Variants in AUTS2 observed in about 807,000 individuals in gnomAD.
The protein encoded by AUTS2 is autism susceptibility gene 2 protein.
Under a neutral mutation model 112.4 loss-of-function variants are expected in AUTS2, and 17 were observed. The observed-to-expected ratio is 0.15, with a 90% confidence interval of 0.10 to 0.23. The LOEUF (loss-of-function observed/expected upper bound fraction) is 0.23. AUTS2 is among the 10% of genes least tolerant of loss of function. The probability of loss-of-function intolerance (pLI) is 1.00; values close to 1 mark genes in which losing one functional copy is unlikely to be tolerated. For synonymous variants in AUTS2, 751 were observed against 702.7 expected, an observed-to-expected ratio of 1.07 and a Z score of -1.09; for missense variants, 1,510 against 1,701.6, an observed-to-expected ratio of 0.89 and a Z score of 1.98.
intron 5 of AUTS2, among the ~76,000 whole-genome samples, chr7:70,661,950 G>T (rs1807099551): frequency 6.6e-6 from 1 of 152,122 alleles, no homozygotes; most frequent in African/African-American, 2.4e-5. Flanking sequence ...TCTCTGCCCA[G>T]TAACGCCTTC....
intron 4 of AUTS2, among the ~76,000 whole-genome samples, chr7:70,360,309 T>C (rs1792202014): frequency 6.6e-6 from 1 of 151,980 alleles, no homozygotes; most frequent in Non-Finnish European, 1.5e-5. Context: ...ACTTTTTTTC[T>C]AGGGATGGGA....
At chr7:70,005,995 C>T (rs1310884836) in intron 2 of AUTS2, among the ~76,000 whole-genome samples, 2 of 152,092 alleles carry the variant, frequency 1.3e-5, no homozygotes, top group Non-Finnish European at 2.9e-5. Flanking sequence ...ACTTCATGAA[C>T]CTAACATTTA....
chr7:70,096,322 C>T (rs1804196113), intron 2 of AUTS2, among the ~76,000 whole-genome samples: 3 of 152,116 alleles, frequency 2.0e-5, no homozygotes, highest in African/African-American at 4.8e-5. Context: ...AAAAGCCGGT[C>T]GCAGTGGCTC....
intron 5 of AUTS2, among the ~76,000 whole-genome samples, chr7:70,496,479 AC>A (rs1798515394): frequency 8.3e-6 from 1 of 121,082 alleles, no homozygotes; most frequent in Non-Finnish European, 1.7e-5. Flanking sequence ...ACACACACAC[AC>A]CCCACACACA....
At chr7:70,643,940 A>G (rs1178079118) in intron 5 of AUTS2, among the ~76,000 whole-genome samples, 3 of 152,040 alleles carry the variant, frequency 2.0e-5, no homozygotes, top group African/African-American at 4.8e-5. Flanking sequence ...AGCCTCTGCT[A>G]TGACGTCCTG....
intron 4 of AUTS2, among the ~76,000 whole-genome samples, chr7:70,312,070 G>T (rs1246998011): frequency 6.6e-6 from 1 of 151,960 alleles, no homozygotes; most frequent in African/African-American, 2.4e-5. Flanking sequence ...CATTGGCTAG[G>T]CTGGTCTTGA....
At chr7:69,614,345 T>TTTCTTTCTTTCG (rs1491023876) in intron 1 of AUTS2, among the ~76,000 whole-genome samples, 1 of 75,758 alleles carries the variant, frequency 1.3e-5, no homozygotes, top group African/African-American at 4.5e-5. Context: ...TCTTTCTTTC[T>TTTCTTTCTTTCG]TTCTTTCTTT....
chr7:70,777,556 C>A (rs1198045993), intron 14 of AUTS2, among the ~76,000 whole-genome samples: 1 of 152,160 alleles, frequency 6.6e-6, no homozygotes, highest in African/African-American at 2.4e-5. Context: ...CCAGGCTGGT[C>A]TCAGACTCCT....
At chr7:70,089,265 T>C (rs1343399090) in intron 2 of AUTS2, among the ~76,000 whole-genome samples, 1 of 152,224 alleles carries the variant, frequency 6.6e-6, no homozygotes, top group Non-Finnish European at 1.5e-5. Context: ...ATAGATTTTT[T>C]TTATTTCTCC....
At chr7:70,040,790 CCA>C (rs1801212718) in intron 2 of AUTS2, among the ~76,000 whole-genome samples, 1 of 152,150 alleles carries the variant, frequency 6.6e-6, no homozygotes, top group African/African-American at 2.4e-5. Flanking sequence ...GGTCCTGAAG[CCA>C]CTGCAGGTTA....
At chr7:70,667,215 TA>T (rs1464427265) in intron 5 of AUTS2, among the ~76,000 whole-genome samples, 1 of 152,198 alleles carries the variant, frequency 6.6e-6, no homozygotes, top group African/African-American at 2.4e-5. Context: ...GCTTCGTAAT[TA>T]GCATTTAAAA....
At chr7:70,488,290 T>C (rs1053897411) in intron 5 of AUTS2, among the ~76,000 whole-genome samples, 4 of 152,136 alleles carry the variant, frequency 2.6e-5, no homozygotes, top group African/African-American at 9.7e-5. Context: ...TCCTTCTGTT[T>C]GTCATTTGGC....
At position 70,701,653 on chromosome 7, in the gene AUTS2, C is replaced by T. The variant is rs1809468294; in HGVS notation, c.742+3033C>T. On this transcript the variant is annotated intron_variant, in intron 6 of 18. Coordinates refer to ENST00000342771, the MANE Select transcript of AUTS2 (RefSeq NM_015570.4). ...AAACAAGTTAATCAAACAGCACATGCTTGCATGTACACACAACATGCCTAA... is the reference window on the plus strand; with the variant it reads ...AAACAAGTTAATCAAACAGCACATGTTTGCATGTACACACAACATGCCTAA... Among the ~76,000 whole-genome samples, 6 of 152,186 alleles carry T rather than the reference C, an allele frequency of 3.9e-5. No individual in the cohort carries two copies. The South Asian group carries it at 1.2e-3, about 31-fold the overall frequency.
chr7:70,363,465 GAAAAA>G (rs369462886), intron 4 of AUTS2, among the ~76,000 whole-genome samples: 8 of 110,772 alleles, frequency 7.2e-5, no homozygotes, highest in Middle Eastern at 5.2e-3. Flanking sequence ...ATAAAAAAAA[GAAAAA>G]AAAAAAAAAA....
chr7:70,420,894 T>C (rs1390941841), intron 4 of AUTS2, among the ~76,000 whole-genome samples: 1 of 152,180 alleles, frequency 6.6e-6, no homozygotes, highest in Non-Finnish European at 1.5e-5. Context: ...AAATTGTGCA[T>C]TTCAAATACG....
chr7:70,623,605 T>C (rs117940751), intron 5 of AUTS2, among the ~76,000 whole-genome samples: 4,530 of 152,320 alleles, frequency 0.03, 103 homozygotes, highest in Middle Eastern at 0.065. Flanking sequence ...TCATAGAAAG[T>C]TCTGGACAGT....
intron 2 of AUTS2, among the ~76,000 whole-genome samples, chr7:70,041,013 T>A (rs1801223412): frequency 6.6e-6 from 1 of 152,174 alleles, no homozygotes; most frequent in Non-Finnish European, 1.5e-5. Context: ...AAGAAAGTGA[T>A]CCATGTGTAA....
chr7:70,781,365 A>C (rs934061629), intron 14 of AUTS2: 12 of 94,492 alleles, frequency 1.3e-4, no homozygotes, highest in African/African-American at 3.0e-4. Flanking sequence ...ACTCCGTCAC[A>C]AAAAAAAAAA....
chr7:70,403,356 G>C (rs1051509855), intron 4 of AUTS2, among the ~76,000 whole-genome samples: 2 of 152,192 alleles, frequency 1.3e-5, no homozygotes, highest in African/African-American at 4.8e-5. Flanking sequence ...GCTTGGCCAG[G>C]GGCCCCCACC....
Sources: allele counts gnomAD v4.1 joint callset (sites outside exome capture counted in the v4.1 genomes callset), GRCh38; gene constraint gnomAD v4.1.1; transcripts MANE v1.5; gene names NCBI Gene and HGNC (gene_info 2026-07-23, HGNC 2026-07-21).